VRK1: variants seen among roughly 807,000 people sequenced by gnomAD.
VRK1 encodes VRK serine/threonine kinase 1.
In VRK1, 33 loss-of-function variants were observed where a neutral mutation model predicts 57.1. The observed-to-expected ratio is 0.58, with a 90% CI of 0.44 to 0.77. VRK1 has a LOEUF of 0.77. VRK1 is among the 30% of genes least tolerant of loss of function. The probability of loss-of-function intolerance (pLI) is 0.00; values close to 1 mark genes in which losing one functional copy is unlikely to be tolerated. For synonymous variants in VRK1, 137 were observed against 147.8 expected, an observed-to-expected ratio of 0.93 and a Z score of 0.53; for missense variants, 413 against 477.3, an observed-to-expected ratio of 0.87 and a Z score of 1.25.
intron 5 of VRK1, 59 bp downstream of exon 5, chr14:96,847,403 G>T: frequency 7.2e-7 from 1 of 1,389,272 alleles, no homozygotes; most frequent in Non-Finnish European, 1.0e-6. Flanking sequence ...CTATTTAGTT[G>T]GTTTAGTCAG....
intron 1 of VRK1, among the ~76,000 whole-genome samples, chr14:96,822,871 C>G (rs556629765): frequency 4.5e-4 from 69 of 152,170 alleles, no homozygotes; most frequent in Non-Finnish European, 7.5e-4. Flanking sequence ...CTGTGCTAAC[C>G]TTTGGGACTT....
intron 1 of VRK1, among the ~76,000 whole-genome samples, chr14:96,810,483 G>T (rs1886127020): frequency 2.0e-5 from 3 of 152,110 alleles, no homozygotes; most frequent in African/African-American, 2.4e-5. Flanking sequence ...GAATTTGTTT[G>T]TGTGTTATGA....
At chr14:96,862,978 G>A (rs1312798224) in intron 11 of VRK1, among the ~76,000 whole-genome samples, 1 of 152,016 alleles carries the variant, frequency 6.6e-6, no homozygotes, top group African/African-American at 2.4e-5. Flanking sequence ...ATTCTTTTTG[G>A]TAAAAACCTA....
intron 12 of VRK1, 36 bp downstream of exon 12, chr14:96,876,156 G>A: frequency 6.2e-7 from 1 of 1,603,740 alleles, no homozygotes; most frequent in South Asian, 1.1e-5. Context: ...GCTTTCATAG[G>A]TAAACACAAA....
At chr14:96,802,176 A>G (rs1353702127) in intron 1 of VRK1, among the ~76,000 whole-genome samples, 1 of 152,240 alleles carries the variant, frequency 6.6e-6, no homozygotes, top group African/African-American at 2.4e-5. Flanking sequence ...GTAAAATGAT[A>G]TAACCACTCT....
intron 9 of VRK1, 43 bp from the exon 10 acceptor site, chr14:96,856,483 CAT>C (rs1463455418): frequency 2.7e-6 from 4 of 1,477,422 alleles, no homozygotes; most frequent in African/African-American, 2.8e-5. Flanking sequence ...TTCATATTAA[CAT>C]ATGACATCAA....
chr14:96,858,022 G>A (rs139964395), intron 10 of VRK1, among the ~76,000 whole-genome samples: 8 of 152,084 alleles, frequency 5.3e-5, no homozygotes, highest in African/African-American at 1.9e-4. Context: ...ACTTAGTAAT[G>A]TATTTGTGAA....
chr14:96,837,819 TA>T lies in VRK1; in HGVS notation c.216+4del. 2 of 1,546,456 alleles carry T rather than the reference TA, an allele frequency of 1.3e-6. No individual in the cohort carries two copies. The highest frequency in any genetic ancestry group is 2.3e-5 in the East Asian group (1 of 42,584). The stretch of plus-strand genomic sequence containing the variant: ...GATGCACCTTGTGTTGTAAAAGTGG[TA>T]AGAAATATTTTAGCTAATTTGTTTC... On this transcript the variant is annotated splice_donor_region_variant and intron_variant, in intron 3 of 12. Transcript: ENST00000216639.
At chr14:96,818,598 A>G (rs866655157) in intron 1 of VRK1, among the ~76,000 whole-genome samples, 4 of 152,116 alleles carry the variant, frequency 2.6e-5, no homozygotes, top group Non-Finnish European at 4.4e-5. Flanking sequence ...TCACTTCTAT[A>G]TCTCATGGTT....
intron 3 of VRK1, among the ~76,000 whole-genome samples, chr14:96,840,455 A>G (rs978375009): frequency 6.6e-6 from 1 of 152,044 alleles, no homozygotes; most frequent in Non-Finnish European, 1.5e-5. Flanking sequence ...ATGGCCTTTC[A>G]TTGTGGATTT....
rs1318657259 is a variant in VRK1 at position 96,881,173 on chromosome 14, C to T, written c.1160-4C>T. 1.2e-6 allele frequency: 2 copies of T among 1,601,410 alleles called. No homozygotes were observed. Among genetic ancestry groups the T allele is most frequent in the African/African-American group, 1.3e-5 (1 of 74,638 alleles). The stretch of plus-strand genomic sequence containing the variant: ...GATTTCAGTTTCTTTGATTTTTCTT[C>T]AAGGTTCAAGAACCAGAAAGAGAGT... On this transcript the variant is annotated splice_region_variant and splice_polypyrimidine_tract_variant and intron_variant, in intron 12 of 12. Transcript: ENST00000216639.
intron 5 of VRK1, 41 bp downstream of exon 5, chr14:96,847,385 A>G: frequency 6.6e-7 from 1 of 1,517,436 alleles, no homozygotes; most frequent in Non-Finnish European, 9.1e-7. Flanking sequence ...TCCCTTTTGC[A>G]ACATTCACTA....
chr14:96,876,142 A>G (rs752674375), intron 12 of VRK1, 22 bp downstream of exon 12: 1 of 1,611,868 alleles, frequency 6.2e-7, no homozygotes, highest in South Asian at 1.1e-5. Context: ...AGTTTTGCCT[A>G]GCTGCTTTCA....
At chr14:96,848,948 A>G (rs1412666703) in intron 5 of VRK1, among the ~76,000 whole-genome samples, 1 of 152,214 alleles carries the variant, frequency 6.6e-6, no homozygotes, top group Non-Finnish European at 1.5e-5. Context: ...TGGGAGATGA[A>G]CGTGAGCACA....
intron 11 of VRK1, among the ~76,000 whole-genome samples, chr14:96,875,268 A>G (rs1888980704): frequency 6.6e-6 from 1 of 152,238 alleles, no homozygotes. Context: ...AACACATAAA[A>G]TGAAATTGAA....
chr14:96,803,785 C>G lies in VRK1; in HGVS notation c.-6+6338C>G, dbSNP rs1201772610. Among the ~76,000 whole-genome samples the G allele has an allele frequency of 2.6e-5, 4 of 152,210 alleles. No homozygotes were observed. The East Asian group carries it at 7.7e-4, about 29-fold the overall frequency. On this transcript the variant is annotated intron_variant, in intron 1 of 12. Transcript: ENST00000216639. ...TCTTGTCATGGCTTTAATTTGCATC[C>G]TAATGGCTGATGATTTCATGTGCTT...
intron 12 of VRK1, among the ~76,000 whole-genome samples, chr14:96,879,054 T>C (rs1233664350): frequency 6.6e-6 from 1 of 152,146 alleles, no homozygotes; most frequent in Non-Finnish European, 1.5e-5. Flanking sequence ...GTAGATATTT[T>C]TAAGGGAACC....
At chr14:96,802,683 A>G (rs1269423390) in intron 1 of VRK1, among the ~76,000 whole-genome samples, 2 of 152,244 alleles carry the variant, frequency 1.3e-5, no homozygotes, top group African/African-American at 4.8e-5. Context: ...CTAGAATTAG[A>G]CACACAAAAG....
At chr14:96,855,415 C>G in intron 8 of VRK1, 59 bp downstream of exon 8, 2 of 1,611,918 alleles carry the variant, frequency 1.2e-6, no homozygotes, top group Middle Eastern at 1.7e-4. Flanking sequence ...CAGATTCCTA[C>G]ATAGTTCTTA....
Sources: allele counts gnomAD v4.1 joint callset (sites outside exome capture counted in the v4.1 genomes callset), GRCh38; gene constraint gnomAD v4.1.1; transcripts MANE v1.5; gene names NCBI Gene and HGNC (gene_info 2026-07-23, HGNC 2026-07-21).